GNG13: variants seen among roughly 807,000 people sequenced by gnomAD.
GNG13 encodes guanine nucleotide-binding protein G(I)/G(S)/G(O) subunit gamma-13.
A neutral mutation model predicts 8.2 loss-of-function variants in GNG13; 12 were observed. The ratio of observed to expected loss-of-function variants is 1.47; its 90% CI spans 0.94 to 2.38. The LOEUF (loss-of-function observed/expected upper bound fraction) is 2.38, where lower values mean the gene tolerates loss of function less well. Ranked by LOEUF, GNG13 falls within the 30% of genes most tolerant of loss-of-function variation. GNG13 has a pLI of 0.00. For synonymous variants in GNG13, 45 were observed against 33.0 expected, an observed-to-expected ratio of 1.37 and a Z score of -1.25; for missense variants, 100 against 85.2, an observed-to-expected ratio of 1.17 and a Z score of -0.68.
chr16:798,902 G>A (rs773816881), intron 2 of GNG13, 78 bp from the exon 3 acceptor site: 40 of 1,345,952 alleles, frequency 3.0e-5, no homozygotes, highest in East Asian at 2.1e-4. Flanking sequence ...TGTCGGCGGC[G>A]GTGGTCGTGG....
rs934255005 is a variant in GNG13 at position 798,101 on chromosome 16, A to T, written c.*618T>A. 55 of 1,333,208 alleles carry T rather than the reference A, an allele frequency of 4.1e-5. No homozygotes were observed. In the African/African-American group the frequency reaches 7.2e-4, roughly 18 times the overall value. 82.6% of individuals were successfully genotyped at this position (1,333,208 alleles called of 1,614,324 possible). ...CACGTGCGAGTGGAGTGGGGTTCACAGGATGGTGGGAGTGGGGCCGGGCGT... is the reference window on the plus strand; with the variant it reads ...CACGTGCGAGTGGAGTGGGGTTCACTGGATGGTGGGAGTGGGGCCGGGCGT... On this transcript the variant is annotated 3_prime_UTR_variant, in exon 3 of 3. Coordinates refer to ENST00000248150, the MANE Select transcript of GNG13 (RefSeq NM_016541.3).
In GNG13 at chr16:798,223, C is replaced by T. The variant is rs112276627; in HGVS notation, c.*496G>A. On this transcript the variant is annotated 3_prime_UTR_variant, in exon 3 of 3. Coordinates refer to ENST00000248150, the MANE Select transcript of GNG13 (RefSeq NM_016541.3). ...TCTCACAGGATAGAGTGAGTGGGGC[C>T]GGGCGTGGTCTCACAGGATGGAGTG... 2,682 of 607,442 alleles carry T rather than the reference C, an allele frequency of 4.4e-3. 16 individuals carry two copies. The highest frequency in any genetic ancestry group is 5.1e-3 in the Non-Finnish European group (1,773 of 348,226). The allele number at this position is 607,442 out of a possible 1,614,324, so 37.6% of individuals were successfully genotyped here.
intron 1 of GNG13, among the ~76,000 whole-genome samples, chr16:800,169 TG>T (rs1173543632): frequency 6.6e-6 from 1 of 151,740 alleles, no homozygotes; most frequent in Non-Finnish European, 1.5e-5. Context: ...TCTGGGGGAG[TG>T]ATCAGGGTCA....
chr16:800,440 G>A (rs1226543367), intron 1 of GNG13, among the ~76,000 whole-genome samples: 6 of 152,198 alleles, frequency 3.9e-5, no homozygotes, highest in African/African-American at 1.4e-4. Context: ...ACGGGACTCG[G>A]TGGGCACTGC....
intron 1 of GNG13, among the ~76,000 whole-genome samples, chr16:800,179 C>T (rs2042434418): frequency 2.0e-5 from 3 of 152,254 alleles, no homozygotes; most frequent in African/African-American, 4.8e-5. Context: ...TGATCAGGGT[C>T]ATGCAGAGGA....
chr16:799,198 C>T (rs2042426239), intron 1 of GNG13, 87 bp from the exon 2 acceptor site: 3 of 677,738 alleles, frequency 4.4e-6, no homozygotes, highest in Non-Finnish European at 5.4e-6. Flanking sequence ...TGAGCTGAAC[C>T]CCGCAGGATG....
rs1226637902 is a variant in GNG13, at chr16:798,511, C to T, written c.*208G>A. 2.0e-5 allele frequency: 13 copies of T among 644,816 alleles called. No individual in the cohort carries two copies. The highest frequency in any genetic ancestry group is 1.4e-4 in the African/African-American group (7 of 51,840). The allele number at this position is 644,816 out of a possible 1,614,324, so 39.9% of individuals were successfully genotyped here. On this transcript the variant is annotated 3_prime_UTR_variant, in exon 3 of 3. Transcript: ENST00000248150. ...TGGAGTGAATGGGGCTGGGCATAGT[C>T]TTACAAGATGGAGTGAGTGGGGCCG...
Position 798,828 on chromosome 16 carries a change from C to A in GNG13, c.99-4G>T. 6.3e-7 allele frequency: 1 copy of A among 1,590,590 alleles called. No individual in the cohort carries two copies. Among genetic ancestry groups the A allele is most frequent in the East Asian group, 2.2e-5 (1 of 44,726 alleles). On this transcript the variant is annotated splice_region_variant and splice_polypyrimidine_tract_variant and intron_variant, in intron 2 of 2. Transcript: ENST00000248150. ...GTCCTCGATCCACTTCAGCAGCCTG[C>A]GGGTGGGCGGGTGGCAGGTGAGTGG...
rs2042421945 is a variant in GNG13, at chr16:798,825, CTGCGGGTG to C, written c.99-9_99-2del. 6.2e-7 allele frequency: 1 copy of C among 1,604,150 alleles called. No individual in the cohort carries two copies. Among genetic ancestry groups the C allele is most frequent in the Non-Finnish European group, 8.5e-7 (1 of 1,172,244 alleles). On this transcript the variant is annotated splice_acceptor_variant and splice_polypyrimidine_tract_variant and intron_variant, in intron 2 of 2. Coordinates refer to ENST00000248150, the MANE Select transcript of GNG13 (RefSeq NM_016541.3). LOFTEE classifies it high-confidence loss of function. ...CCCGTCCTCGATCCACTTCAGCAGC[CTGCGGGTG>C]GGCGGGTGGCAGGTGAGTGGTGGCA...
chr16:800,499 G>A (rs1312331454), intron 1 of GNG13, among the ~76,000 whole-genome samples, 167 bp downstream of exon 1: 1 of 152,234 alleles, frequency 6.6e-6, no homozygotes, highest in African/African-American at 2.4e-5. Flanking sequence ...CACCGCGAGA[G>A]CCGCCTCCCT....
intron 1 of GNG13, 128 bp from the exon 2 acceptor site, chr16:799,239 C>T (rs1402590085): frequency 6.5e-6 from 4 of 617,184 alleles, no homozygotes; most frequent in Non-Finnish European, 1.2e-5. Flanking sequence ...ACTGCCTGGG[C>T]CAGTCCCCTA....
intron 1 of GNG13, among the ~76,000 whole-genome samples, chr16:800,041 A>T (rs1158228250): frequency 6.6e-6 from 1 of 150,704 alleles, no homozygotes; most frequent in Non-Finnish European, 1.5e-5. Flanking sequence ...CCACCTAGGG[A>T]GGGGCCCAGG....
chr16:799,762 G>A (rs904809409), intron 1 of GNG13, among the ~76,000 whole-genome samples: 1 of 152,270 alleles, frequency 6.6e-6, no homozygotes, highest in South Asian at 2.1e-4. Flanking sequence ...GCCTGGGAAA[G>A]CCACAGGTTG....
chr16:800,382 C>T (rs1161507839), intron 1 of GNG13, among the ~76,000 whole-genome samples: 2 of 152,306 alleles, frequency 1.3e-5, no homozygotes, highest in African/African-American at 2.4e-5. Flanking sequence ...GCGCAGCTGC[C>T]GCCAAGCCTG....
Position 799,778 on chromosome 16 carries a change from C to T in GNG13, c.-34-667G>A, listed in dbSNP as rs549580327. Reference sequence around the variant, plus strand: ...CCTGGGAAAGCCACAGGTTGACACCCCTCAGAACTGCCACAAGTTCGAGGC... The same window carrying T: ...CCTGGGAAAGCCACAGGTTGACACCTCTCAGAACTGCCACAAGTTCGAGGC... On this transcript the variant is annotated intron_variant, in intron 1 of 2. Transcript: ENST00000248150. Among the ~76,000 whole-genome samples, 8 of 152,268 alleles carry T rather than the reference C, an allele frequency of 5.3e-5. No homozygotes were observed. In the South Asian group the frequency reaches 1.5e-3, roughly 28 times the overall value.
chr16:798,939 G>A (rs900453515), intron 2 of GNG13, 41 bp downstream of exon 2: 3 of 1,391,444 alleles, frequency 2.2e-6, no homozygotes, highest in Non-Finnish European at 3.1e-6. Context: ...CCAGCGCAGG[G>A]CAGACAAATG....
In GNG13 at chr16:798,921, A is replaced by G. The variant is rs1279849575; in HGVS notation, c.98+59T>C. 3.7e-6 allele frequency: 5 copies of G among 1,367,064 alleles called. No homozygotes were observed. The Admixed American group carries it at 6.7e-5, about 18-fold the overall frequency. The allele number at this position is 1,367,064 out of a possible 1,614,324, so 84.7% of individuals were successfully genotyped here. A position where few individuals can be genotyped will look rare whatever the true frequency, so the allele number is the denominator to read the frequency against. On this transcript the variant is annotated intron_variant, in intron 2 of 2. Transcript: ENST00000248150. Reference sequence around the variant, plus strand: ...GGCGGCGGTGGTCGTGGCTATGGAAATGAGCAGCCAGCGCAGGGCAGACAA... The same window carrying G: ...GGCGGCGGTGGTCGTGGCTATGGAAGTGAGCAGCCAGCGCAGGGCAGACAA...
chr16:800,557 GC>G (rs2042437085), intron 1 of GNG13, 108 bp downstream of exon 1: 1 of 152,248 alleles, frequency 6.6e-6, no homozygotes, highest in Admixed American at 6.5e-5. Context: ...CGGGGCAGCT[GC>G]CCTCGCCCCG....
intron 1 of GNG13, among the ~76,000 whole-genome samples, chr16:799,466 C>G (rs2042428901): frequency 1.3e-5 from 2 of 152,126 alleles, no homozygotes; most frequent in African/African-American, 4.8e-5. Context: ...GCAGGCTGAC[C>G]CAGACCACGG....
Sources: allele counts gnomAD v4.1 joint callset (sites outside exome capture counted in the v4.1 genomes callset), GRCh38; gene constraint gnomAD v4.1.1; transcripts MANE v1.5; gene names NCBI Gene and HGNC (gene_info 2026-07-23, HGNC 2026-07-21).